The following QKI variants were observed in gnomAD, a reference collection of about 807,000 sequenced individuals.
QKI encodes the protein KH domain-containing RNA-binding protein QKI.
A neutral mutation model predicts 39.0 loss-of-function variants in QKI; 10 were observed. The ratio of observed to expected loss-of-function variants is 0.26; its 90% CI spans 0.16 to 0.43. The LOEUF is 0.43. Among genes scored for constraint, QKI ranks in the 20% least tolerant of loss-of-function variants. QKI has a pLI of 1.00. For missense variants in QKI, 218 were observed against 428.0 expected (o/e 0.51, Z 4.33); for synonymous variants, 204 against 155.4 (o/e 1.31, Z -2.33).
Position 163,431,800 on chromosome 6 carries a change from TA to T in QKI, c.142+16478del, listed in dbSNP as rs66790166. On this transcript the variant is annotated intron_variant, in intron 1 of 7. Coordinates refer to ENST00000361752, the MANE Select transcript of QKI (RefSeq NM_006775.3). ...ATTTGGAAGGCCCTAAAGATTTTTG[TA>T]AAAAAAAAAAAACAAAAAACTGTTC... 2.6e-4 allele frequency among the ~76,000 whole-genome samples: 33 copies of T among 127,330 alleles called. 1 individual carries two copies. The highest frequency in any genetic ancestry group is 1.7e-3 in the East Asian group (8 of 4,730). 83.5% of individuals were successfully genotyped at this position (127,330 alleles called of 152,430 possible).
intron 3 of QKI, among the ~76,000 whole-genome samples, chr6:163,492,250 TCTATC>T (rs1317003579): frequency 6.6e-6 from 1 of 152,206 alleles, no homozygotes; most frequent in Non-Finnish European, 1.5e-5. Flanking sequence ...GCCATCCTAT[TCTATC>T]CTATTAGTTT....
At chr6:163,563,799 C>A (rs1257418454) in intron 6 of QKI, 80 bp downstream of exon 6, 12 of 1,532,592 alleles carry the variant, frequency 7.8e-6, no homozygotes, top group Non-Finnish European at 1.1e-5. Context: ...ATGATTTTAT[C>A]AGTTTTAGAG....
At position 163,576,596 on chromosome 6, in the gene QKI, GA is replaced by G. The variant is rs1562565955; in HGVS notation, c.*5889del. 1 of 150,712 alleles carries G rather than the reference GA, an allele frequency of 6.6e-6. No individual in the cohort carries two copies. Among genetic ancestry groups the G allele is most frequent in the Non-Finnish European group, 1.5e-5 (1 of 67,836 alleles). 9.3% of individuals were successfully genotyped at this position (150,712 alleles called of 1,614,324 possible). ...ATTGTGTATATATATATATATAGTC[GA>G]AATAGGTGTTCACAGGTCACATGTG... On this transcript the variant is annotated 3_prime_UTR_variant, in exon 8 of 8. Transcript: ENST00000361752.
intron 1 of QKI, among the ~76,000 whole-genome samples, chr6:163,434,320 C>T (rs926293029): frequency 1.3e-5 from 2 of 152,162 alleles, no homozygotes; most frequent in Non-Finnish European, 2.9e-5. Context: ...GATAATCCCT[C>T]TTATGACGGG....
At chr6:163,431,268 C>T (rs1217027445) in intron 1 of QKI, among the ~76,000 whole-genome samples, 3 of 152,154 alleles carry the variant, frequency 2.0e-5, no homozygotes, top group African/African-American at 4.8e-5. Flanking sequence ...GTCTGGCTTT[C>T]ATTAAATAAC....
chr6:163,536,991 T>A (rs1583182393), intron 4 of QKI, among the ~76,000 whole-genome samples: 1 of 152,088 alleles, frequency 6.6e-6, no homozygotes, highest in Admixed American at 6.5e-5. Context: ...GGAGGATCAT[T>A]TGAGGTCAGG....
intron 2 of QKI, among the ~76,000 whole-genome samples, chr6:163,468,159 G>A (rs1221328774): frequency 6.6e-6 from 1 of 152,106 alleles, no homozygotes; most frequent in Non-Finnish European, 1.5e-5. Context: ...ACGCTTCTGT[G>A]AATGTATTTG....
chr6:163,485,737 A>G (rs982288323), intron 3 of QKI, among the ~76,000 whole-genome samples: 5 of 152,208 alleles, frequency 3.3e-5, no homozygotes, highest in Non-Finnish European at 7.3e-5. Flanking sequence ...GAAATGTGCA[A>G]AGACTTAGCA....
At chr6:163,506,934 G>A (rs1779135552) in intron 3 of QKI, among the ~76,000 whole-genome samples, 1 of 152,094 alleles carries the variant, frequency 6.6e-6, no homozygotes. Context: ...TGATTAACAT[G>A]TTTGTGTATA....
intron 3 of QKI, among the ~76,000 whole-genome samples, chr6:163,532,836 T>C (rs1245223713): frequency 6.6e-6 from 1 of 152,184 alleles, no homozygotes; most frequent in Non-Finnish European, 1.5e-5. Context: ...GGACTCTTGC[T>C]TAGTCTCCTC....
intron 4 of QKI, among the ~76,000 whole-genome samples, chr6:163,548,436 C>T (rs1022377431): frequency 6.6e-6 from 1 of 152,188 alleles, no homozygotes; most frequent in Non-Finnish European, 1.5e-5. Flanking sequence ...TAAATCACCT[C>T]ATTAGGTTGC....
At chr6:163,438,501 C>G (rs1789486673) in intron 1 of QKI, among the ~76,000 whole-genome samples, 1 of 152,138 alleles carries the variant, frequency 6.6e-6, no homozygotes, top group South Asian at 2.1e-4. Flanking sequence ...TACTACACAC[C>G]TCAGCTGTAT....
intron 1 of QKI, among the ~76,000 whole-genome samples, chr6:163,443,477 T>C (rs1253563220): frequency 6.6e-6 from 1 of 152,160 alleles, no homozygotes; most frequent in Admixed American, 6.5e-5. Context: ...CTGAGGCAGA[T>C]AATGGCTTGA....
chr6:163,519,143 C>CCT (rs1780001831), intron 3 of QKI, among the ~76,000 whole-genome samples: 1 of 152,028 alleles, frequency 6.6e-6, no homozygotes, highest in Admixed American at 6.6e-5. Context: ...CATGATATAT[C>CCT]CTCTCCCTTT....
intron 3 of QKI, among the ~76,000 whole-genome samples, chr6:163,517,173 T>G (rs1310584265): frequency 6.6e-6 from 1 of 151,958 alleles, no homozygotes; most frequent in Non-Finnish European, 1.5e-5. Context: ...CTGACTAGTC[T>G]AGAGTCCACA....
chr6:163,564,683 A>G, intron 6 of QKI: 1 of 1,614,092 alleles, frequency 6.2e-7, no homozygotes, highest in Non-Finnish European at 8.5e-7. Flanking sequence ...TTGAAATGCC[A>G]GTCATGCCTG....
chr6:163,482,589 T>G (rs1793158564), intron 3 of QKI, among the ~76,000 whole-genome samples: 1 of 152,184 alleles, frequency 6.6e-6, no homozygotes, highest in Non-Finnish European at 1.5e-5. Flanking sequence ...TCGGGTTCAA[T>G]TAATTTGCTA....
Position 163,578,333 on chromosome 6 carries a change from A to G in QKI, c.*7623A>G, listed in dbSNP as rs1461960282. 6.6e-6 allele frequency: 1 copy of G among 152,200 alleles called. No individual in the cohort carries two copies. The highest frequency in any genetic ancestry group is 2.4e-5 in the African/African-American group (1 of 41,446). The allele number at this position is 152,200 out of a possible 1,614,324, so 9.4% of individuals were successfully genotyped here. ...TATTTGAGTTGATACTAAAGATTTTATGTTCACTCCTTTACCTTAGAACTG... is the reference window on the plus strand; with the variant it reads ...TATTTGAGTTGATACTAAAGATTTTGTGTTCACTCCTTTACCTTAGAACTG... On this transcript the variant is annotated 3_prime_UTR_variant, in exon 8 of 8. Coordinates refer to ENST00000361752, the MANE Select transcript of QKI (RefSeq NM_006775.3).
chr6:163,478,918 A>C (rs779471754), intron 3 of QKI, 22 bp downstream of exon 3: 2 of 1,516,712 alleles, frequency 1.3e-6, no homozygotes, highest in East Asian at 2.3e-5. Flanking sequence ...AAAATGGACT[A>C]AGTCTTTATG....
Sources: gnomAD v4.1 joint callset for allele counts (sites outside exome capture counted in the v4.1 genomes callset) on GRCh38, gnomAD v4.1.1 for gene constraint, MANE v1.5 for transcripts, NCBI Gene and HGNC (gene_info 2026-07-23, HGNC 2026-07-21) for gene names.